The following RASGRP3 variants were observed in gnomAD, a reference collection of about 807,000 sequenced individuals.
RASGRP3 encodes the protein RAS guanyl releasing protein 3, also known as ras guanyl-releasing protein 3.
A neutral mutation model predicts 82.7 loss-of-function variants in RASGRP3; 54 were observed. The ratio of observed to expected loss-of-function variants is 0.65; its 90% CI spans 0.52 to 0.82. RASGRP3 has a LOEUF of 0.82. Among genes scored for constraint, RASGRP3 ranks in the 40% least tolerant of loss-of-function variants. The pLI, the probability that RASGRP3 is intolerant of heterozygous loss-of-function variation, is 0.00. For missense variants in RASGRP3, 861 were observed against 828.9 expected (o/e 1.04, Z -0.48); for synonymous variants, 309 against 300.5 (o/e 1.03, Z -0.29).
intron 7 of RASGRP3, among the ~76,000 whole-genome samples, chr2:33,522,515 A>G (rs1672135792): frequency 1.3e-5 from 2 of 152,194 alleles, no homozygotes; most frequent in African/African-American, 4.8e-5. Context: ...GAAAATAGGA[A>G]TTGTAGACTT....
chr2:33,561,192 A>G (rs1975590), intron 17 of RASGRP3, among the ~76,000 whole-genome samples: 76,418 of 151,600 alleles, frequency 0.5, 19,752 homozygotes, highest in Middle Eastern at 0.64. Context: ...TCAGCCTCCC[A>G]AGTAGCTGGG....
intron 2 of RASGRP3, among the ~76,000 whole-genome samples, chr2:33,467,339 G>C (rs1666756016): frequency 6.6e-6 from 1 of 152,092 alleles, no homozygotes; most frequent in African/African-American, 2.4e-5. Flanking sequence ...CATGTAGCTA[G>C]CACAACTCTT....
chr2:33,491,265 G>A (rs1407725955), intron 1 of RASGRP3, among the ~76,000 whole-genome samples: 6 of 151,950 alleles, frequency 3.9e-5, no homozygotes, highest in Admixed American at 1.3e-4. Context: ...GCAGTGAGCC[G>A]AGATCGTGCC....
chr2:33,449,632 T>C (rs1665681737), intron 2 of RASGRP3, among the ~76,000 whole-genome samples: 2 of 151,980 alleles, frequency 1.3e-5, no homozygotes, highest in East Asian at 1.9e-4. Context: ...TGGTAGTGCA[T>C]GCCTGTAGTC....
chr2:33,502,166 T>C (rs1287874947), intron 1 of RASGRP3, among the ~76,000 whole-genome samples: 1 of 152,080 alleles, frequency 6.6e-6, no homozygotes, highest in East Asian at 1.9e-4. Flanking sequence ...CTCACGTTTA[T>C]CTATGTAGAG....
upstream of RASGRP3, among the ~76,000 whole-genome samples, chr2:33,473,335 A>G (rs1434731305): frequency 6.6e-6 from 1 of 152,054 alleles, no homozygotes; most frequent in African/African-American, 2.4e-5. Flanking sequence ...GTGAGCCGAG[A>G]TCGCGCCACC....
chr2:33,551,892 CT>C (rs1394982242), intron 14 of RASGRP3, among the ~76,000 whole-genome samples: 2 of 152,244 alleles, frequency 1.3e-5, no homozygotes, highest in Admixed American at 1.3e-4. Context: ...ACTCAGGAGG[CT>C]GAGGCAGGAG....
At chr2:33,519,650 A>G (rs1023223228) in intron 4 of RASGRP3, among the ~76,000 whole-genome samples, 1 of 152,232 alleles carries the variant, frequency 6.6e-6, no homozygotes, top group African/African-American at 2.4e-5. Context: ...TTAATTATGT[A>G]TAGTTGCCAG....
intron 1 of RASGRP3, among the ~76,000 whole-genome samples, chr2:33,478,986 C>T (rs141979628): frequency 6.6e-6 from 1 of 152,294 alleles, no homozygotes; most frequent in Non-Finnish European, 1.5e-5. Context: ...ACAGGAGGGA[C>T]ACCCTTAGTT....
chr2:33,546,559 A>G (rs899042432), intron 13 of RASGRP3, among the ~76,000 whole-genome samples: 4 of 152,188 alleles, frequency 2.6e-5, no homozygotes, highest in Admixed American at 2.6e-4. Flanking sequence ...TCAAGCAGCT[A>G]AAAACAGAAC....
At chr2:33,549,021 C>T (rs1321133587) in intron 13 of RASGRP3, among the ~76,000 whole-genome samples, 1 of 151,950 alleles carries the variant, frequency 6.6e-6, no homozygotes, top group Admixed American at 6.6e-5. Flanking sequence ...AAGAAGTCAG[C>T]GTATGTGGTG....
intron 2 of RASGRP3, among the ~76,000 whole-genome samples, chr2:33,463,552 C>T (rs1358272304): frequency 1.3e-5 from 2 of 151,054 alleles, no homozygotes; most frequent in African/African-American, 4.9e-5. Flanking sequence ...TAGAGGCCTC[C>T]AGCAGCCCTC....
At chr2:33,446,085 A>G (rs1249973250) in intron 1 of RASGRP3, among the ~76,000 whole-genome samples, 2 of 152,346 alleles carry the variant, frequency 1.3e-5, no homozygotes, top group East Asian at 3.9e-4. Flanking sequence ...AGGACAAAGT[A>G]CGACTAGTTC....
At chr2:33,558,413 G>C in intron 16 of RASGRP3, 77 bp downstream of exon 16, 1 of 1,604,008 alleles carries the variant, frequency 6.2e-7, no homozygotes, top group Non-Finnish European at 8.5e-7. Context: ...TTTAGGTTCT[G>C]GGTCTAAACC....
intron 3 of RASGRP3, among the ~76,000 whole-genome samples, chr2:33,515,662 T>C (rs17013200): frequency 0.22 from 32,803 of 152,156 alleles, 4,422 homozygotes; most frequent in African/African-American, 0.37. Flanking sequence ...CTCAGACGAA[T>C]GTGAGTAGCA....
chr2:33,559,620 T>C, intron 17 of RASGRP3: 2 of 518,778 alleles, frequency 3.9e-6, no homozygotes, highest in Admixed American at 1.9e-5. Flanking sequence ...GACACAGAAA[T>C]TGATTCAAGA....
chr2:33,448,646 T>G (rs1665626041), intron 2 of RASGRP3, among the ~76,000 whole-genome samples: 1 of 151,376 alleles, frequency 6.6e-6, no homozygotes, highest in Non-Finnish European at 1.5e-5. Context: ...AGATTAGAGG[T>G]GGCTGGGGGT....
At chr2:33,489,058 TG>T (rs1442517379) in intron 1 of RASGRP3, among the ~76,000 whole-genome samples, 2 of 152,186 alleles carry the variant, frequency 1.3e-5, no homozygotes, top group East Asian at 3.8e-4. Context: ...TGGCAATGTC[TG>T]GGGACATTTT....
rs1000840456 is a variant in RASGRP3, at chr2:33,562,953, C to T, written c.*216C>T. On this transcript the variant is annotated 3_prime_UTR_variant, in exon 18 of 18. Transcript: ENST00000403687. ...ACTATTTATTTCCTCCTCCCCTACCCCTAGTTAAGTGCCACAAAGACTGTG... is the reference window on the plus strand; with the variant it reads ...ACTATTTATTTCCTCCTCCCCTACCTCTAGTTAAGTGCCACAAAGACTGTG... The T allele has an allele frequency of 3.2e-6, 2 of 621,414 alleles. No homozygotes were observed. The highest frequency in any genetic ancestry group is 3.0e-5 in the Admixed American group (1 of 33,024). The allele number at this position is 621,414 out of a possible 1,614,324, so 38.5% of individuals were successfully genotyped here.
Sources: gnomAD v4.1 joint callset for allele counts (sites outside exome capture counted in the v4.1 genomes callset) on GRCh38, gnomAD v4.1.1 for gene constraint, MANE v1.5 for transcripts, NCBI Gene and HGNC (gene_info 2026-07-23, HGNC 2026-07-21) for gene names.